Variants in PCSK5 observed in about 807,000 individuals in gnomAD.
PCSK5 encodes the protein prohormone convertase 5.
In PCSK5, 129 loss-of-function variants were observed where a neutral mutation model predicts 233.2. The observed-to-expected ratio is 0.55, with a 90% CI of 0.48 to 0.64. PCSK5 has a LOEUF of 0.64. PCSK5 is among the 30% of genes least tolerant of loss of function. PCSK5 has a pLI of 0.00. For synonymous variants in PCSK5, 825 were observed against 879.2 expected (o/e 0.94, Z 1.09); for missense variants, 2,076 against 2,430.1 (o/e 0.85, Z 3.06).
Position 76,175,339 on chromosome 9 carries a change from A to G in PCSK5, c.1900+210A>G, listed in dbSNP as rs527587175. ...ACAGAACAGAATAGAATAGAACAGA[A>G]CAATCTACTACCCATATTCTGACAT... is the stretch of plus-strand genomic sequence containing the variant. On this transcript the variant is annotated intron_variant, in intron 14 of 37. Coordinates refer to ENST00000674117, the MANE Select transcript of PCSK5 (RefSeq NM_001372043.1). 1.2e-4 allele frequency: 67 copies of G among 550,448 alleles called. No individual in the cohort carries two copies. In the South Asian group the frequency reaches 1.6e-3, roughly 13 times the overall value. The allele number at this position is 550,448 out of a possible 1,614,324, so 34.1% of individuals were successfully genotyped here.
At chr9:76,287,786 GC>G in intron 24 of PCSK5, 4 of 200,820 alleles carry the variant, frequency 2.0e-5, no homozygotes, top group Non-Finnish European at 4.3e-5. Flanking sequence ...AGACAACGCA[GC>G]ATCACAAACC....
chr9:75,929,839 C>T (rs1286170381), intron 1 of PCSK5, among the ~76,000 whole-genome samples: 1 of 151,822 alleles, frequency 6.6e-6, no homozygotes, highest in African/African-American at 2.4e-5. Context: ...CAGGGGTTTC[C>T]CCTTATAAAA....
chr9:76,263,262 G>C (rs1253956665), intron 24 of PCSK5, among the ~76,000 whole-genome samples: 1 of 152,138 alleles, frequency 6.6e-6, no homozygotes. Flanking sequence ...ATTTGACTCA[G>C]CCATCGCATT....
chr9:75,957,417 C>T (rs1825142518), intron 2 of PCSK5, among the ~76,000 whole-genome samples: 1 of 151,996 alleles, frequency 6.6e-6, no homozygotes, highest in Admixed American at 6.5e-5. Flanking sequence ...AGTGTTGTTA[C>T]AATAAATAGC....
At chr9:75,951,264 G>T (rs919462741) in intron 2 of PCSK5, among the ~76,000 whole-genome samples, 9 of 152,200 alleles carry the variant, frequency 5.9e-5, no homozygotes, top group Non-Finnish European at 7.3e-5. Flanking sequence ...TAGACTTTGG[G>T]GGACATTTGG....
In PCSK5 at chr9:76,021,333, CAG is replaced by C. The variant is rs374079156; in HGVS notation, c.412-2393_412-2392del. On this transcript the variant is annotated intron_variant, in intron 3 of 37. Coordinates refer to ENST00000674117, the MANE Select transcript of PCSK5 (RefSeq NM_001372043.1). ...TAGAACAGAGAGAGAGGGAGAGACA[CAG>C]AGAGAGAGAGAAAGTGTGTGTGTGG... Among the ~76,000 whole-genome samples, 64 of 149,418 alleles carry C rather than the reference CAG, an allele frequency of 4.3e-4. No homozygotes were observed. In the South Asian group the frequency reaches 9.8e-3, roughly 23 times the overall value.
In PCSK5 at chr9:76,301,835, C is replaced by T. The variant is rs575563736; in HGVS notation, c.3524-302C>T. Among the ~76,000 whole-genome samples, 69 of 145,138 alleles carry T rather than the reference C, an allele frequency of 4.8e-4. 1 individual carries two copies. Among genetic ancestry groups the T allele is most frequent in the African/African-American group, 1.5e-3 (59 of 38,898 alleles). On this transcript the variant is annotated intron_variant, in intron 27 of 37. Coordinates refer to ENST00000674117, the MANE Select transcript of PCSK5 (RefSeq NM_001372043.1). The stretch of plus-strand genomic sequence containing the variant: ...CTCTGGCCTGGGAAACAGAGCAAGA[C>T]TCCTCGTGGAAAAAAAAAATGATGT...
intron 9 of PCSK5, among the ~76,000 whole-genome samples, chr9:76,129,172 C>T (rs1412391279): frequency 1.3e-5 from 2 of 152,116 alleles, no homozygotes; most frequent in African/African-American, 4.8e-5. Flanking sequence ...AATCTGTTCC[C>T]GTAACTGCCG....
At chr9:76,294,232 C>T (rs2131411033) in intron 25 of PCSK5, among the ~76,000 whole-genome samples, 1 of 150,994 alleles carries the variant, frequency 6.6e-6, no homozygotes, top group East Asian at 1.9e-4. Context: ...GGAAGATATG[C>T]AAAGGTTTCC....
chr9:76,118,205 C>A (rs1362343120), intron 9 of PCSK5, among the ~76,000 whole-genome samples: 1 of 152,028 alleles, frequency 6.6e-6, no homozygotes, highest in Middle Eastern at 3.2e-3. Context: ...GCCCAGAAAC[C>A]ATCTGGCCTG....
chr9:76,345,711 C>T (rs1255259609), intron 35 of PCSK5, among the ~76,000 whole-genome samples: 1 of 151,956 alleles, frequency 6.6e-6, no homozygotes, highest in Non-Finnish European at 1.5e-5. Flanking sequence ...CGTGAGCCAC[C>T]GCGCCTGGCC....
At chr9:76,275,016 G>T (rs1355416260) in intron 24 of PCSK5, among the ~76,000 whole-genome samples, 1 of 151,982 alleles carries the variant, frequency 6.6e-6, no homozygotes, top group Non-Finnish European at 1.5e-5. Flanking sequence ...TTCCCAAGAG[G>T]ACAGCACCAC....
Position 76,233,570 on chromosome 9 carries a change from C to G in PCSK5, c.2840C>G (p.Pro947Arg), listed in dbSNP as rs1328407110. 1 of 1,611,192 alleles carries G rather than the reference C, an allele frequency of 6.2e-7. No individual in the cohort carries two copies. The highest frequency in any genetic ancestry group is 8.5e-7 in the Non-Finnish European group (1 of 1,179,738). Reference protein sequence around the residue: ...HTCQRCQGSGPTHCTSCGADN... With the variant: ...HTCQRCQGSGRTHCTSCGADN... ...TGCCAGAGATGCCAAGGAAGTGGCC[C>G]TACCCACTGCACCTCCTGTGGAGCA... The change falls in exon 22 of 38, where the codon CCT (proline) becomes CGT (arginine). Residue 947 changes from proline (P) to arginine (R), a missense_variant. Physicochemically the swap from Pro to Arg is moderately radical, Grantham distance 103. Transcript: ENST00000674117.
chr9:76,310,691 T>A lies in PCSK5; in HGVS notation c.3724T>A (p.Cys1242Ser). Residue 1242 changes from cysteine (C) to serine (S), a missense_variant, in exon 30 of 38, where the codon TGT becomes AGT. This residue lies in a region of PCSK5 where 1,510 missense variants were observed against 1,538.1 expected (regional missense o/e 0.98). Transcript: ENST00000674117. ...TCTGGCTCAGGCCTGTGTTTCCTCC[T>A]GTCCCCAAGGCACATGGCCTTCCGT... is the stretch of plus-strand genomic sequence containing the variant. ...YLLAQACVSS[C>S]PQGTWPSVRS... 6.2e-7 allele frequency: 1 copy of A among 1,603,502 alleles called. No individual in the cohort carries two copies. Among genetic ancestry groups the A allele is most frequent in the South Asian group, 1.1e-5 (1 of 89,032 alleles).
chr9:76,096,215 AG>A (rs1831507379), intron 8 of PCSK5, 113 bp downstream of exon 8: 6 of 676,564 alleles, frequency 8.9e-6, no homozygotes, highest in Admixed American at 2.6e-5. Flanking sequence ...ACACACACAC[AG>A]AAGTAATATA....
chr9:76,195,867 A>G (rs899219419), intron 20 of PCSK5: 6 of 152,148 alleles, frequency 3.9e-5, no homozygotes. Context: ...TTTTTCTATT[A>G]AATTAACCTA....
At chr9:75,956,910 AAT>A (rs1480164218) in intron 2 of PCSK5, among the ~76,000 whole-genome samples, 4 of 152,144 alleles carry the variant, frequency 2.6e-5, no homozygotes, top group African/African-American at 9.7e-5. Flanking sequence ...GTGAAAGACC[AAT>A]ACTAGCTTAA....
At chr9:76,102,387 T>C (rs1009894876) in intron 8 of PCSK5, among the ~76,000 whole-genome samples, 4 of 152,210 alleles carry the variant, frequency 2.6e-5, no homozygotes, top group East Asian at 1.9e-4. Flanking sequence ...TACTGTCTCA[T>C]TCATTGCAAG....
At chr9:76,166,766 T>G (rs887869266) in intron 12 of PCSK5, among the ~76,000 whole-genome samples, 1 of 152,216 alleles carries the variant, frequency 6.6e-6, no homozygotes, top group Non-Finnish European at 1.5e-5. Context: ...GCTGTGGGAC[T>G]TAAGGAAGGA....
Sources: gnomAD v4.1 joint callset for allele counts (sites outside exome capture counted in the v4.1 genomes callset) on GRCh38, gnomAD v4.1.1 for gene constraint, gnomAD v4.1.1 regional missense constraint, MANE v1.5 for transcripts, NCBI Gene and HGNC (gene_info 2026-07-23, HGNC 2026-07-21) for gene names.